The following AGPAT5 variants were observed in gnomAD, a reference collection of about 807,000 sequenced individuals.
AGPAT5 encodes the protein 1-acyl-sn-glycerol-3-phosphate acyltransferase epsilon.
Under a neutral mutation model 45.6 loss-of-function variants are expected in AGPAT5, and 46 were observed. That is an observed-to-expected ratio of 1.01 (90% CI 0.80 to 1.29). The LOEUF (loss-of-function observed/expected upper bound fraction) is 1.29, where lower values mean the gene tolerates loss of function less well. Among genes scored for constraint, AGPAT5 ranks in the 50% most tolerant of loss-of-function variants. The pLI is 0.00. For synonymous variants in AGPAT5, 272 were observed against 167.0 expected (o/e 1.63, Z -4.85); for missense variants, 673 against 450.7 (o/e 1.49, Z -4.47).
chr8:6,732,472 C>A, intron 3 of AGPAT5, 89 bp from the exon 4 acceptor site: 1 of 911,562 alleles, frequency 1.1e-6, no homozygotes, highest in Non-Finnish European at 1.6e-6. Context: ...TCATTCTGTA[C>A]TTTTTGCAAG....
intron 6 of AGPAT5, among the ~76,000 whole-genome samples, chr8:6,752,619 G>A (rs1332821198): frequency 6.6e-6 from 1 of 152,156 alleles, no homozygotes; most frequent in Admixed American, 6.5e-5. Flanking sequence ...CGAATAGTTG[G>A]AAGACTTTCT....
At chr8:6,754,324 C>G (rs1176227569) in intron 6 of AGPAT5, among the ~76,000 whole-genome samples, 1 of 152,052 alleles carries the variant, frequency 6.6e-6, no homozygotes, top group Admixed American at 6.5e-5. Flanking sequence ...GGCTATTCCA[C>G]AGTAATAATT....
At chr8:6,749,063 G>A (rs182878283) in intron 6 of AGPAT5, among the ~76,000 whole-genome samples, 3 of 152,190 alleles carry the variant, frequency 2.0e-5, no homozygotes, top group Non-Finnish European at 2.9e-5. Flanking sequence ...CCTTCTAGAC[G>A]TAGTACTGTG....
rs533461889 is a variant in AGPAT5, at chr8:6,711,664, C to T, written c.219+2777C>T. Among the ~76,000 whole-genome samples, 5 of 152,192 alleles carry T rather than the reference C, an allele frequency of 3.3e-5. No homozygotes were observed. The South Asian group carries it at 1.0e-3, about 32-fold the overall frequency. On this transcript the variant is annotated intron_variant, in intron 1 of 7. Coordinates refer to ENST00000285518, the MANE Select transcript of AGPAT5 (RefSeq NM_018361.5). ...CTTAAAATAATAGAACTTAAGTTCT[C>T]GTGATTCTGGAGGCCAGCACTTTGA...
intron 4 of AGPAT5, among the ~76,000 whole-genome samples, chr8:6,735,339 C>T (rs965611658): frequency 6.6e-6 from 1 of 152,162 alleles, no homozygotes; most frequent in African/African-American, 2.4e-5. Context: ...AGCCTACATC[C>T]AGTCTTCCCT....
intron 6 of AGPAT5, 27 bp from the exon 7 acceptor site, chr8:6,755,024 A>G: frequency 6.5e-7 from 1 of 1,544,190 alleles, no homozygotes; most frequent in Non-Finnish European, 8.7e-7. Context: ...ATAGTAAAAA[A>G]AAAGAATTAT....
At chr8:6,752,218 A>G (rs934975308) in intron 6 of AGPAT5, among the ~76,000 whole-genome samples, 5 of 152,186 alleles carry the variant, frequency 3.3e-5, no homozygotes, top group East Asian at 3.8e-4. Context: ...AGATAACCCA[A>G]AGAAGAAGGA....
intron 5 of AGPAT5, among the ~76,000 whole-genome samples, chr8:6,743,449 T>C (rs1000667529): frequency 1.8e-4 from 27 of 152,248 alleles, no homozygotes; most frequent in Non-Finnish European, 2.9e-5. Flanking sequence ...CTTCCATGCA[T>C]ACACTCATAT....
chr8:6,709,738 C>T (rs1007165523), intron 1 of AGPAT5, among the ~76,000 whole-genome samples: 4 of 151,716 alleles, frequency 2.6e-5, no homozygotes, highest in Non-Finnish European at 4.4e-5. Context: ...TTTCCACCTA[C>T]AGCAGCTGTT....
intron 6 of AGPAT5, among the ~76,000 whole-genome samples, chr8:6,749,652 T>C (rs549427089): frequency 1.6e-4 from 24 of 152,202 alleles, no homozygotes; most frequent in Non-Finnish European, 2.9e-4. Flanking sequence ...ATATTAATAT[T>C]TTTCTCTTTT....
chr8:6,747,142 A>T (rs1251567257), intron 5 of AGPAT5, among the ~76,000 whole-genome samples: 1 of 152,248 alleles, frequency 6.6e-6, no homozygotes, highest in Non-Finnish European at 1.5e-5. Flanking sequence ...GAAGCAATTA[A>T]TAGGTAAACA....
chr8:6,710,735 T>G (rs1387782899), intron 1 of AGPAT5, among the ~76,000 whole-genome samples: 1 of 152,232 alleles, frequency 6.6e-6, no homozygotes. Context: ...TTGTTTCTGT[T>G]AAGATTAAAT....
At chr8:6,725,638 C>T (rs562703327) in intron 2 of AGPAT5, among the ~76,000 whole-genome samples, 1 of 152,252 alleles carries the variant, frequency 6.6e-6, no homozygotes, top group East Asian at 1.9e-4. Context: ...GGGTAAGGTA[C>T]TTTTTAATTC....
At chr8:6,751,335 C>A (rs1801648761) in intron 6 of AGPAT5, among the ~76,000 whole-genome samples, 1 of 152,110 alleles carries the variant, frequency 6.6e-6, no homozygotes, top group South Asian at 2.1e-4. Flanking sequence ...GTTGATATGC[C>A]ATGGCCCAGT....
chr8:6,716,011 C>T (rs116427858), intron 1 of AGPAT5, among the ~76,000 whole-genome samples: 8 of 152,246 alleles, frequency 5.3e-5, no homozygotes, highest in Non-Finnish European at 8.8e-5. Context: ...CTAGCTTTTC[C>T]TTCTGGGCCG....
intron 1 of AGPAT5, chr8:6,709,093 C>T (rs1322391174): frequency 3.1e-6 from 2 of 651,592 alleles, no homozygotes; most frequent in Non-Finnish European, 5.5e-6. Context: ...GCTGCGTCGT[C>T]CTGAGGCTAC....
chr8:6,743,365 T>C (rs75213511), intron 5 of AGPAT5, among the ~76,000 whole-genome samples: 2,426 of 152,324 alleles, frequency 0.016, 57 homozygotes, highest in African/African-American at 0.052. Flanking sequence ...TTTGTACAAT[T>C]GTCCATTAGA....
At chr8:6,714,751 T>C (rs1275143022) in intron 1 of AGPAT5, among the ~76,000 whole-genome samples, 1 of 152,146 alleles carries the variant, frequency 6.6e-6, no homozygotes, top group East Asian at 1.9e-4. Flanking sequence ...TTCTTACAGA[T>C]CAGTTTTTTA....
chr8:6,732,690 A>G (rs1454844775), intron 4 of AGPAT5, 40 bp downstream of exon 4: 25 of 1,458,672 alleles, frequency 1.7e-5, no homozygotes, highest in Non-Finnish European at 2.0e-5. Flanking sequence ...ACCAGCTCTC[A>G]GTTTCTAAAT....
Sources: allele counts gnomAD v4.1 joint callset (sites outside exome capture counted in the v4.1 genomes callset), GRCh38; gene constraint gnomAD v4.1.1; transcripts MANE v1.5; gene names NCBI Gene and HGNC (gene_info 2026-07-23, HGNC 2026-07-21).